MACROD2: variants seen among roughly 807,000 people sequenced by gnomAD.
The protein encoded by MACROD2 is mono-ADP ribosylhydrolase 2.
Under a neutral mutation model 70.4 loss-of-function variants are expected in MACROD2, and 36 were observed. That is an observed-to-expected ratio of 0.51 (90% CI 0.39 to 0.68). The LOEUF (loss-of-function observed/expected upper bound fraction) is 0.68, where lower values mean the gene tolerates loss of function less well. Ranked by LOEUF, MACROD2 falls within the 30% of genes least tolerant of loss-of-function variation. MACROD2 has a pLI of 0.00. For missense variants in MACROD2, 496 were observed against 538.4 expected, an observed-to-expected ratio of 0.92 and a Z score of 0.78; for synonymous variants, 172 against 178.8, an observed-to-expected ratio of 0.96 and a Z score of 0.30.
chr20:15,017,037 C>T (rs2075127117), intron 5 of MACROD2, among the ~76,000 whole-genome samples: 1 of 152,168 alleles, frequency 6.6e-6, no homozygotes, highest in African/African-American at 2.4e-5. Context: ...CAAAACCAAT[C>T]ATGCCTTCCC....
intron 8 of MACROD2, among the ~76,000 whole-genome samples, chr20:15,769,119 G>A (rs2051578269): frequency 6.6e-6 from 1 of 152,162 alleles, no homozygotes; most frequent in African/African-American, 2.4e-5. Flanking sequence ...GCATAAACCA[G>A]TAATGCAATG....
chr20:14,224,967 T>C (rs1569214281), intron 3 of MACROD2, among the ~76,000 whole-genome samples: 1 of 152,202 alleles, frequency 6.6e-6, no homozygotes, highest in Non-Finnish European at 1.5e-5. Flanking sequence ...CTGCCCAGCA[T>C]TTCAGATTGG....
intron 5 of MACROD2, among the ~76,000 whole-genome samples, chr20:14,866,175 TG>T (rs1385304298): frequency 6.6e-6 from 1 of 152,254 alleles, no homozygotes; most frequent in East Asian, 1.9e-4. Flanking sequence ...AGCTATTTTT[TG>T]ACTCAAAATT....
chr20:15,980,997 G>A (rs1403291721), intron 13 of MACROD2, among the ~76,000 whole-genome samples: 1 of 152,172 alleles, frequency 6.6e-6, no homozygotes, highest in Non-Finnish European at 1.5e-5. Context: ...TTTGTTTTTA[G>A]TGGGCCATTT....
At chr20:15,019,877 G>A (rs934273273) in intron 5 of MACROD2, among the ~76,000 whole-genome samples, 36 of 152,040 alleles carry the variant, frequency 2.4e-4, no homozygotes, top group African/African-American at 7.2e-4. Flanking sequence ...AAATTTTTAC[G>A]AACATTTTAT....
chr20:14,733,592 A>T (rs919106553), intron 5 of MACROD2, among the ~76,000 whole-genome samples: 1 of 152,110 alleles, frequency 6.6e-6, no homozygotes, highest in African/African-American at 2.4e-5. Context: ...AAATGAATTC[A>T]TAGATGGTAA....
chr20:15,656,734 C>T (rs1218338001), intron 8 of MACROD2, among the ~76,000 whole-genome samples: 1 of 152,026 alleles, frequency 6.6e-6, no homozygotes, highest in Non-Finnish European at 1.5e-5. Context: ...CAACACAGCC[C>T]TATAGCATGC....
intron 3 of MACROD2, among the ~76,000 whole-genome samples, chr20:14,404,625 C>T (rs922967635): frequency 2.0e-5 from 3 of 151,628 alleles, no homozygotes; most frequent in Non-Finnish European, 4.4e-5. Flanking sequence ...TATATTGAAA[C>T]CCTGAAAAAC....
intron 5 of MACROD2, among the ~76,000 whole-genome samples, chr20:14,787,147 C>T (rs963296474): frequency 6.6e-6 from 1 of 151,958 alleles, no homozygotes; most frequent in Non-Finnish European, 1.5e-5. Flanking sequence ...ATGTAATAGA[C>T]CATTTGATTC....
At chr20:15,141,552 T>C (rs2076192629) in intron 5 of MACROD2, among the ~76,000 whole-genome samples, 1 of 152,196 alleles carries the variant, frequency 6.6e-6, no homozygotes, top group African/African-American at 2.4e-5. Context: ...TGCCTCTCTC[T>C]GATTCCAAGT....
intron 5 of MACROD2, among the ~76,000 whole-genome samples, chr20:15,199,150 T>C (rs1197401510): frequency 3.3e-5 from 5 of 152,020 alleles, no homozygotes; most frequent in Middle Eastern, 3.4e-3. Context: ...GTGAGAGGAT[T>C]ACTTGAGTCC....
chr20:15,241,732 TA>T (rs986774831), intron 6 of MACROD2, among the ~76,000 whole-genome samples: 4 of 77,830 alleles, frequency 5.1e-5, no homozygotes, highest in African/African-American at 2.0e-4. Flanking sequence ...TTTTTCAATG[TA>T]AAAAAATAGA....
At chr20:14,694,335 AG>A (rs2071096862) in intron 5 of MACROD2, among the ~76,000 whole-genome samples, 1 of 152,188 alleles carries the variant, frequency 6.6e-6, no homozygotes, top group Admixed American at 6.5e-5. Context: ...TTACAGATAA[AG>A]TAACCGAGGC....
intron 7 of MACROD2, among the ~76,000 whole-genome samples, chr20:15,441,127 T>C (rs1480351213): frequency 6.6e-6 from 1 of 152,194 alleles, no homozygotes; most frequent in African/African-American, 2.4e-5. Flanking sequence ...AAATTCTGGC[T>C]ATTCAATTGT....
At chr20:15,377,369 C>G (rs2045577903) in intron 6 of MACROD2, among the ~76,000 whole-genome samples, 1 of 151,926 alleles carries the variant, frequency 6.6e-6, no homozygotes, top group South Asian at 2.1e-4. Context: ...ATAAAAAGGA[C>G]AAGAAAAAAG....
intron 4 of MACROD2, among the ~76,000 whole-genome samples, chr20:14,601,709 T>G (rs1349836090): frequency 6.6e-6 from 1 of 152,116 alleles, no homozygotes; most frequent in Non-Finnish European, 1.5e-5. Flanking sequence ...GCCGTGAAAG[T>G]CATAACTTAG....
intron 3 of MACROD2, among the ~76,000 whole-genome samples, chr20:14,399,019 G>C (rs1287978386): frequency 1.4e-5 from 2 of 141,470 alleles, no homozygotes; most frequent in Non-Finnish European, 3.1e-5. Flanking sequence ...GCCTCAATGA[G>C]TATTTTTTTT....
chr20:15,517,463 G>A (rs1403246342), intron 8 of MACROD2, among the ~76,000 whole-genome samples: 13 of 152,178 alleles, frequency 8.5e-5, no homozygotes, highest in Admixed American at 5.9e-4. Context: ...AAGCGTATAT[G>A]TATTGGTTTA....
Position 14,331,973 on chromosome 20 carries a change from T to C in MACROD2, c.272-161506T>C, listed in dbSNP as rs189564466. Reference sequence around the variant, plus strand: ...ATTACTTCTGAACAAAATGAATCGATCTTTTAGAAAAATACTGTTAATGGG... The same window carrying C: ...ATTACTTCTGAACAAAATGAATCGACCTTTTAGAAAAATACTGTTAATGGG... On this transcript the variant is annotated intron_variant, in intron 3 of 17. Transcript: ENST00000684519. Among the ~76,000 whole-genome samples the C allele has an allele frequency of 1.1e-3, 175 of 152,224 alleles. 1 individual carries two copies. The highest frequency in any genetic ancestry group is 4.2e-3 in the African/African-American group (175 of 41,556).
Sources: gnomAD v4.1 joint callset for allele counts (sites outside exome capture counted in the v4.1 genomes callset) on GRCh38, gnomAD v4.1.1 for gene constraint, MANE v1.5 for transcripts, NCBI Gene and HGNC (gene_info 2026-07-23, HGNC 2026-07-21) for gene names.